CRYL1: variants seen among roughly 807,000 people sequenced by gnomAD.
CRYL1 encodes the protein lambda-crystallin homolog.
Under a neutral mutation model 36.6 loss-of-function variants are expected in CRYL1, and 29 were observed. The ratio of observed to expected loss-of-function variants is 0.79; its 90% CI spans 0.59 to 1.08. The LOEUF (loss-of-function observed/expected upper bound fraction) is 1.08, where lower values mean the gene tolerates loss of function less well. Among genes scored for constraint, CRYL1 ranks in the 50% least tolerant of loss-of-function variants. The probability of loss-of-function intolerance (pLI) is 0.00; values close to 1 mark genes in which losing one functional copy is unlikely to be tolerated. For missense variants in CRYL1, 411 were observed against 407.9 expected (o/e 1.01, Z -0.06); for synonymous variants, 152 against 151.5 (o/e 1.00, Z -0.02).
intron 1 of CRYL1, among the ~76,000 whole-genome samples, chr13:20,512,822 G>A (rs1209864063): frequency 1.3e-5 from 2 of 152,138 alleles, no homozygotes; most frequent in Admixed American, 6.6e-5. Flanking sequence ...AGGAAGAGAG[G>A]TTGGTGAGTG....
rs1328035762 is a variant in CRYL1, at chr13:20,426,604, A to T, written c.633+5498T>A. The T allele has an allele frequency of 4.3e-6, 3 of 703,020 alleles. No homozygotes were observed. In the East Asian group the frequency reaches 4.0e-4, roughly 93 times the overall value. 43.5% of individuals were successfully genotyped at this position (703,020 alleles called of 1,614,324 possible). On this transcript the variant is annotated intron_variant, in intron 5 of 7. Transcript: ENST00000298248. ...TCAGAAACAAGAGACACACATAGAGACACACAGAGACACATACAGAGCCAG... is the reference window on the plus strand; with the variant it reads ...TCAGAAACAAGAGACACACATAGAGTCACACAGAGACACATACAGAGCCAG...
intron 3 of CRYL1, among the ~76,000 whole-genome samples, chr13:20,476,113 A>T (rs367623657): frequency 3.0e-4 from 45 of 152,224 alleles, no homozygotes; most frequent in Admixed American, 7.8e-4. Flanking sequence ...AAACAACAGA[A>T]ATAGCTACTC....
chr13:20,414,355 G>T (rs2031603436), intron 5 of CRYL1, among the ~76,000 whole-genome samples: 1 of 151,810 alleles, frequency 6.6e-6, no homozygotes, highest in Non-Finnish European at 1.5e-5. Flanking sequence ...TGACCTCCCT[G>T]CCTCCTTAGC....
In CRYL1 at chr13:20,459,235, C is replaced by CAAAAA. The variant is rs61255031; in HGVS notation, c.277-19486_277-19482dup. 2.3e-4 allele frequency among the ~76,000 whole-genome samples: 18 copies of CAAAAA among 78,418 alleles called. No homozygotes were observed. In the East Asian group the frequency reaches 4.1e-3, roughly 18 times the overall value. 51.4% of individuals were successfully genotyped at this position (78,418 alleles called of 152,430 possible). ...TGGGCGACAGAGCGAGACTCCATCT[C>CAAAAA]AAAAAAAAAAAAAAAAAAAAAAATT... On this transcript the variant is annotated intron_variant, in intron 3 of 7. Coordinates refer to ENST00000298248, the MANE Select transcript of CRYL1 (RefSeq NM_015974.3).
chr13:20,443,736 T>C (rs561919544), intron 3 of CRYL1, among the ~76,000 whole-genome samples: 7 of 152,190 alleles, frequency 4.6e-5, no homozygotes, highest in Non-Finnish European at 1.0e-4. Context: ...AGAAAATCTG[T>C]ATTGGCTAGT....
In CRYL1 at chr13:20,404,083, AAATAGGGCCTCC is replaced by A. The variant is rs2031297927; in HGVS notation, c.*34_*45del. On this transcript the variant is annotated 3_prime_UTR_variant, in exon 8 of 8. Coordinates refer to ENST00000298248, the MANE Select transcript of CRYL1 (RefSeq NM_015974.3). ...CTGATTAAGGGCTTGCAGTGTTCCC[AAATAGGGCCTCC>A]AATGAGAGGAGTGGAAGCTGCATTA... 7.3e-7 allele frequency: 1 copy of A among 1,364,078 alleles called. No homozygotes were observed. The highest frequency in any genetic ancestry group is 1.2e-5 in the South Asian group (1 of 85,648). 84.5% of individuals were successfully genotyped at this position (1,364,078 alleles called of 1,614,324 possible). A position where few individuals can be genotyped will look rare whatever the true frequency, so the allele number is the denominator to read the frequency against.
Position 20,415,023 on chromosome 13 carries a change from C to G in CRYL1, c.634-1636G>C, listed in dbSNP as rs1204788560. Among the ~76,000 whole-genome samples, 1 of 152,112 alleles carries G rather than the reference C, an allele frequency of 6.6e-6. No homozygotes were observed. The highest frequency in any genetic ancestry group is 2.4e-5 in the African/African-American group (1 of 41,434). On this transcript the variant is annotated intron_variant, in intron 5 of 7. Coordinates refer to ENST00000298248, the MANE Select transcript of CRYL1 (RefSeq NM_015974.3). This position sits in a 1 kb window ranked among gnomAD's most constrained non-coding sequence, Gnocchi z 4.1. ...AGTAGCGCTGGCCCGCCTGCGAGAG[C>G]CCGACCGTGGACGATGCGTCGCGCC... is the stretch of plus-strand genomic sequence containing the variant.
chr13:20,435,461 G>A lies in CRYL1; in HGVS notation c.439-3165C>T, dbSNP rs1486831779. On this transcript the variant is annotated intron_variant, in intron 4 of 7. Transcript: ENST00000298248. The surrounding 1 kb of genome is among the most constrained non-coding windows in gnomAD (Gnocchi z 4.0). The stretch of plus-strand genomic sequence containing the variant: ...AAGCCGCCGCAAAAGGACCTTCGAG[G>A]TCTCCCGGCTGGGAAACAGTCTCCC... Among the ~76,000 whole-genome samples the A allele has an allele frequency of 1.3e-5, 2 of 152,114 alleles. No homozygotes were observed. Among genetic ancestry groups the A allele is most frequent in the Non-Finnish European group, 2.9e-5 (2 of 68,010 alleles).
At chr13:20,427,196 C>T (rs2031951989) in intron 5 of CRYL1, 4 of 985,390 alleles carry the variant, frequency 4.1e-6, no homozygotes, top group Admixed American at 6.1e-5. Flanking sequence ...TCACGTGACC[C>T]AGGGAGCACG....
intron 5 of CRYL1, among the ~76,000 whole-genome samples, chr13:20,413,945 T>C (rs1331561168): frequency 1.3e-5 from 2 of 151,942 alleles, no homozygotes; most frequent in African/African-American, 4.8e-5. Flanking sequence ...GAGGCTGAGG[T>C]GGGGGATCAC....
rs2034174444 is a variant in CRYL1 at position 20,525,487 on chromosome 13, C to A, written c.41+267G>T. On this transcript the variant is annotated intron_variant, in intron 1 of 7. Transcript: ENST00000298248. The surrounding 1 kb of genome is among the most constrained non-coding windows in gnomAD (Gnocchi z 4.3). Reference sequence around the variant, plus strand: ...GGAACCGCAGGCCCCGCGGCCTGGGCGGTCAACCTCGGAACCTCCTGCAAC... The same window carrying A: ...GGAACCGCAGGCCCCGCGGCCTGGGAGGTCAACCTCGGAACCTCCTGCAAC... 6.6e-6 allele frequency among the ~76,000 whole-genome samples: 1 copy of A among 152,172 alleles called. No individual in the cohort carries two copies. The highest frequency in any genetic ancestry group is 1.5e-5 in the Non-Finnish European group (1 of 68,016).
chr13:20,419,057 G>C (rs1395303651), intron 5 of CRYL1: 1 of 152,166 alleles, frequency 6.6e-6, no homozygotes, highest in Admixed American at 6.5e-5. Context: ...AAGAAGAAAG[G>C]ATTACACCAG....
At position 20,473,949 on chromosome 13, in the gene CRYL1, G is replaced by A. The variant is rs151320116; in HGVS notation, c.276+15421C>T. Among the ~76,000 whole-genome samples the A allele has an allele frequency of 4.3e-3, 657 of 152,280 alleles. 7 individuals carry two copies. The highest frequency in any genetic ancestry group is 0.015 in the African/African-American group (631 of 41,562). On this transcript the variant is annotated intron_variant, in intron 3 of 7. Transcript: ENST00000298248. ...AAGTGAATCGGGTATAAGTAACAGG[G>A]TAATTTCATTGAGGGTCACCCACAT...
At chr13:20,455,779 T>G (rs1300101119) in intron 3 of CRYL1, among the ~76,000 whole-genome samples, 1 of 152,232 alleles carries the variant, frequency 6.6e-6, no homozygotes, top group African/African-American at 2.4e-5. Flanking sequence ...GGAGTCAGAA[T>G]AGCCAAAACC....
intron 3 of CRYL1, among the ~76,000 whole-genome samples, chr13:20,452,126 A>C (rs2032583319): frequency 6.6e-6 from 1 of 152,122 alleles, no homozygotes; most frequent in African/African-American, 2.4e-5. Context: ...GATACCAGGG[A>C]CTACTAGAAG....
intron 4 of CRYL1, 70 bp downstream of exon 4, chr13:20,439,523 A>AAAAAAGAAAAAAAAAAAAACAC: frequency 1.0e-6 from 1 of 987,796 alleles, no homozygotes; most frequent in Non-Finnish European, 1.4e-6. Flanking sequence ...GCAAAAAAAA[A>AAAAAAGAAAAAAAAAAAAACAC]AAAAAAAGAA....
At chr13:20,432,802 G>A (rs2032102820) in intron 4 of CRYL1, among the ~76,000 whole-genome samples, 1 of 152,124 alleles carries the variant, frequency 6.6e-6, no homozygotes, top group South Asian at 2.1e-4. Context: ...GGGATCACTT[G>A]AGCCCAGGAG....
At position 20,439,689 on chromosome 13, in the gene CRYL1, A is replaced by G. The variant is rs183986286; in HGVS notation, c.342T>C (p.Asp114=). ...TGGAACTGCTTAAGATCACTCGATC[A>G]TCAATGATGGAATCTAACTGAGCAA... The part of the protein sequence containing the change: ...KIFAQLDSII[D]DRVILSSSTS... The change falls in exon 4 of 8, where the codon GAT becomes GAC. Residue 114 remains aspartate (D), a synonymous_variant. Transcript: ENST00000298248. 41 of 1,614,162 alleles carry G rather than the reference A, an allele frequency of 2.5e-5. No homozygotes were observed. In the African/African-American group the frequency reaches 4.5e-4, roughly 18 times the overall value.
At chr13:20,505,359 CAAAA>C (rs61380702) in intron 2 of CRYL1, among the ~76,000 whole-genome samples, 3,080 of 91,168 alleles carry the variant, frequency 0.034, 118 homozygotes, top group African/African-American at 0.1. Context: ...TCTATCCCAC[CAAAA>C]AAAAAAAAAA....
Sources: allele counts gnomAD v4.1 joint callset (sites outside exome capture counted in the v4.1 genomes callset), GRCh38; gene constraint gnomAD v4.1.1; non-coding constraint Gnocchi (gnomAD v3.1); transcripts MANE v1.5; gene names NCBI Gene and HGNC (gene_info 2026-07-23, HGNC 2026-07-21).